Variants in PTPRD observed in about 807,000 individuals in gnomAD.
The protein encoded by PTPRD is receptor-type tyrosine-protein phosphatase delta.
In PTPRD, 34 loss-of-function variants were observed where a neutral mutation model predicts 214.5. The ratio of observed to expected loss-of-function variants is 0.16; its 90% CI spans 0.12 to 0.21. The LOEUF (loss-of-function observed/expected upper bound fraction) is 0.21. Ranked by LOEUF, PTPRD falls within the 10% of genes least tolerant of loss-of-function variation. The pLI is 1.00. For synonymous variants in PTPRD, 1,128 were observed against 845.7 expected, an observed-to-expected ratio of 1.33 and a Z score of -5.79; for missense variants, 2,545 against 2,398.7, an observed-to-expected ratio of 1.06 and a Z score of -1.27.
At chr9:8,507,466 C>A in intron 21 of PTPRD, 32 bp from the exon 22 acceptor site, 1 of 1,612,714 alleles carries the variant, frequency 6.2e-7, no homozygotes, top group Admixed American at 1.7e-5. Context: ...ATTGAACTCA[C>A]AATCACCAGG....
intron 27 of PTPRD, among the ~76,000 whole-genome samples, chr9:8,486,732 G>A (rs567624385): frequency 7.9e-5 from 12 of 152,198 alleles, no homozygotes; most frequent in African/African-American, 1.9e-4. Flanking sequence ...TTATTTATTC[G>A]TTGAATATGT....
At chr9:9,911,780 A>C (rs1347394876) in intron 5 of PTPRD, among the ~76,000 whole-genome samples, 2 of 152,120 alleles carry the variant, frequency 1.3e-5, no homozygotes, top group African/African-American at 4.8e-5. Context: ...TCAGGATCAT[A>C]AATAAGAGAA....
chr9:9,139,717 C>T (rs1013913022), intron 10 of PTPRD, among the ~76,000 whole-genome samples: 1 of 152,098 alleles, frequency 6.6e-6, no homozygotes, highest in African/African-American at 2.4e-5. Flanking sequence ...CTATTTCTAT[C>T]GTAATTTTCC....
intron 4 of PTPRD, among the ~76,000 whole-genome samples, chr9:10,030,272 T>C (rs948614862): frequency 2.6e-5 from 4 of 151,602 alleles, no homozygotes; most frequent in South Asian, 2.1e-4. Context: ...AGGAGTCAAA[T>C]ATATTTCTAG....
intron 33 of PTPRD, among the ~76,000 whole-genome samples, chr9:8,454,412 G>A (rs1234204123): frequency 1.3e-5 from 2 of 151,976 alleles, no homozygotes; most frequent in African/African-American, 2.4e-5. Flanking sequence ...ATTTTCCCCA[G>A]AATCATCTTA....
At chr9:9,696,266 G>C (rs964922925) in intron 7 of PTPRD, among the ~76,000 whole-genome samples, 3 of 152,108 alleles carry the variant, frequency 2.0e-5, no homozygotes, top group African/African-American at 4.8e-5. Context: ...TAAGAAAAAT[G>C]TGTATTCTGC....
intron 6 of PTPRD, among the ~76,000 whole-genome samples, chr9:9,747,698 C>A (rs566699343): frequency 1.3e-5 from 2 of 152,058 alleles, no homozygotes; most frequent in East Asian, 3.9e-4. Flanking sequence ...AGGTACCCAC[C>A]ACCACACCTG....
At chr9:10,526,140 C>A (rs2134413683) in intron 2 of PTPRD, among the ~76,000 whole-genome samples, 1 of 152,138 alleles carries the variant, frequency 6.6e-6, no homozygotes, top group South Asian at 2.1e-4. Flanking sequence ...GATATAAAGT[C>A]TCTCTGAGGG....
intron 9 of PTPRD, among the ~76,000 whole-genome samples, chr9:9,348,742 G>A (rs1009005140): frequency 6.6e-6 from 1 of 151,954 alleles, no homozygotes; most frequent in Admixed American, 6.6e-5. Context: ...ACATTATTTG[G>A]TGCTTTATGT....
chr9:9,298,075 A>C (rs916651744), intron 9 of PTPRD, among the ~76,000 whole-genome samples: 2 of 151,726 alleles, frequency 1.3e-5, no homozygotes, highest in African/African-American at 4.8e-5. Flanking sequence ...GGTAAAAGAA[A>C]ACTCCACATT....
At chr9:9,417,657 A>C (rs1339208323) in intron 8 of PTPRD, among the ~76,000 whole-genome samples, 7 of 152,066 alleles carry the variant, frequency 4.6e-5, no homozygotes, top group Admixed American at 4.6e-4. Flanking sequence ...AAGCACATAA[A>C]ATTATCTGGA....
intron 7 of PTPRD, among the ~76,000 whole-genome samples, chr9:9,677,075 G>T (rs1229700045): frequency 6.6e-6 from 1 of 151,990 alleles, no homozygotes; most frequent in Non-Finnish European, 1.5e-5. Flanking sequence ...CATTTTGTAG[G>T]TTGCCTGTTC....
At chr9:9,044,548 A>G (rs572666538) in intron 10 of PTPRD, among the ~76,000 whole-genome samples, 1 of 152,318 alleles carries the variant, frequency 6.6e-6, no homozygotes, top group South Asian at 2.1e-4. Context: ...TGTTTCTTCC[A>G]TGGCAGGGGC....
At chr9:9,159,436 T>G (rs1257604375) in intron 10 of PTPRD, among the ~76,000 whole-genome samples, 1 of 152,030 alleles carries the variant, frequency 6.6e-6, no homozygotes, top group Non-Finnish European at 1.5e-5. Context: ...TCCAAAAAAA[T>G]TATAGAAAAC....
intron 5 of PTPRD, among the ~76,000 whole-genome samples, chr9:9,779,987 C>T (rs1026683500): frequency 5.3e-5 from 8 of 152,050 alleles, no homozygotes; most frequent in East Asian, 1.9e-4. Flanking sequence ...TTCATCATAG[C>T]GAAGACGACA....
At chr9:9,399,804 C>T (rs1475725367) in intron 8 of PTPRD, among the ~76,000 whole-genome samples, 1 of 152,042 alleles carries the variant, frequency 6.6e-6, no homozygotes, top group Non-Finnish European at 1.5e-5. Context: ...TCTGAAGCCT[C>T]CCCAGCCATG....
At chr9:10,281,472 C>A (rs1239758826) in intron 3 of PTPRD, among the ~76,000 whole-genome samples, 1 of 152,192 alleles carries the variant, frequency 6.6e-6, no homozygotes, top group Non-Finnish European at 1.5e-5. Context: ...CCAAAAGCTA[C>A]AGTTGCTCTT....
chr9:8,491,369 A>AT (rs1239384026), intron 27 of PTPRD, among the ~76,000 whole-genome samples: 1 of 152,166 alleles, frequency 6.6e-6, no homozygotes, highest in Non-Finnish European at 1.5e-5. Flanking sequence ...TTTCTCTAAA[A>AT]TTCATATTCC....
intron 9 of PTPRD, among the ~76,000 whole-genome samples, chr9:9,366,695 G>A (rs888987448): frequency 1.1e-4 from 16 of 151,426 alleles, no homozygotes; most frequent in African/African-American, 3.9e-4. Flanking sequence ...TTTAGTAAAT[G>A]AAATATGCAA....
Sources: allele counts gnomAD v4.1 joint callset (sites outside exome capture counted in the v4.1 genomes callset), GRCh38; gene constraint gnomAD v4.1.1; transcripts MANE v1.5; gene names NCBI Gene and HGNC (gene_info 2026-07-23, HGNC 2026-07-21).